The following SNF8 variants were observed in gnomAD, a reference collection of about 807,000 sequenced individuals.
SNF8 encodes the protein SNF8 subunit of ESCRT-II.
SNF8 carries 19 observed loss-of-function variants against 36.8 expected under a neutral mutation model. That is an observed-to-expected ratio of 0.52 (90% CI 0.36 to 0.76). The LOEUF is 0.76. Among genes scored for constraint, SNF8 ranks in the 30% least tolerant of loss-of-function variants. The pLI is 0.00. For synonymous variants in SNF8, 127 were observed against 127.4 expected, an observed-to-expected ratio of 1.00 and a Z score of 0.02; for missense variants, 268 against 322.9, an observed-to-expected ratio of 0.83 and a Z score of 1.30.
intron 2 of SNF8, among the ~76,000 whole-genome samples, chr17:48,943,483 C>A (rs1266855401): frequency 6.6e-6 from 1 of 152,082 alleles, no homozygotes; most frequent in African/African-American, 2.4e-5. Context: ...TGGCGCATGT[C>A]TGTAGTTCTA....
At chr17:48,938,489 T>TC (rs11436395) in intron 3 of SNF8, among the ~76,000 whole-genome samples, 18,236 of 96,524 alleles carry the variant, frequency 0.19, 1,355 homozygotes, top group Middle Eastern at 0.25. Flanking sequence ...AGAGCAAAAC[T>TC]CCATCTCAAA....
At chr17:48,939,333 G>A (rs569496169) in intron 3 of SNF8, among the ~76,000 whole-genome samples, 8 of 151,780 alleles carry the variant, frequency 5.3e-5, no homozygotes, top group Admixed American at 3.3e-4. Context: ...AGCTCCACTT[G>A]GGAGGTTGAG....
chr17:48,936,024 GTTTTTTGTTT>G lies in SNF8; in HGVS notation c.422+136_422+145del. ...AGACCCTATCTCTTATTTTTTGTTT[GTTTTTTGTTT>G]TTTTTTTTCCTGTATGATATGGAGA... is the stretch of plus-strand genomic sequence containing the variant. On this transcript the variant is annotated intron_variant, in intron 5 of 7. Coordinates refer to ENST00000502492, the MANE Select transcript of SNF8 (RefSeq NM_007241.4). The G allele has an allele frequency of 5.0e-6, 3 of 603,734 alleles. No individual in the cohort carries two copies. In the South Asian group the frequency reaches 6.0e-5, roughly 12 times the overall value. 37.4% of individuals were successfully genotyped at this position (603,734 alleles called of 1,614,324 possible). A position where few individuals can be genotyped will look rare whatever the true frequency, so the allele number is the denominator to read the frequency against.
At chr17:48,943,832 A>T in intron 2 of SNF8, 93 bp downstream of exon 2, 1 of 1,134,696 alleles carries the variant, frequency 8.8e-7, no homozygotes, top group Non-Finnish European at 1.3e-6. Context: ...CCCTATTTCT[A>T]GTTCAATCTA....
In SNF8 at chr17:48,944,817, G is replaced by A. The variant is rs1263501091; in HGVS notation, c.-83C>T. 3.5e-6 allele frequency: 5 copies of A among 1,420,688 alleles called. No individual in the cohort carries two copies. In the African/African-American group the frequency reaches 6.0e-5, roughly 17 times the overall value. The allele number at this position is 1,420,688 out of a possible 1,614,324, so 88.0% of individuals were successfully genotyped here. A position where few individuals can be genotyped will look rare whatever the true frequency, so the allele number is the denominator to read the frequency against. On this transcript the variant is annotated 5_prime_UTR_variant, in exon 1 of 8. Coordinates refer to ENST00000502492, the MANE Select transcript of SNF8 (RefSeq NM_007241.4). ...GACTCCGCCGCCGGCTCCCCAAGGC[G>A]GAAGCCCGAGCCGCGCGTCATCTGC...
At position 48,929,763 on chromosome 17, in the gene SNF8, G is replaced by A. The variant is rs1202276863; in HGVS notation, c.*712C>T. The A allele has an allele frequency of 6.6e-6, 1 of 152,124 alleles. No individual in the cohort carries two copies. Among genetic ancestry groups the A allele is most frequent in the African/African-American group, 2.4e-5 (1 of 41,434 alleles). The allele number at this position is 152,124 out of a possible 1,614,324, so 9.4% of individuals were successfully genotyped here. A position where few individuals can be genotyped will look rare whatever the true frequency, so the allele number is the denominator to read the frequency against. ...CTGTGATGTTGAAGGCTGCCTACTT[G>A]GTGAAATTTAAGTGAGCTGTATGTA... On this transcript the variant is annotated 3_prime_UTR_variant, in exon 8 of 8. Transcript: ENST00000502492.
intron 6 of SNF8, 41 bp from the exon 7 acceptor site, chr17:48,931,758 C>T (rs368148886): frequency 1.3e-6 from 2 of 1,518,210 alleles, no homozygotes; most frequent in Non-Finnish European, 1.8e-6. Context: ...GTTAAGAGTG[C>T]ACCTTCCCTT....
Position 48,936,187 on chromosome 17 carries a change from G to C in SNF8, c.405C>G (p.Phe135Leu), listed in dbSNP as rs769649861. 2 of 1,613,832 alleles carry C rather than the reference G, an allele frequency of 1.2e-6. No homozygotes were observed. Among genetic ancestry groups the C allele is most frequent in the Admixed American group, 3.3e-5 (2 of 60,012 alleles). ...HQQVLKGRGK[F>L]AQDVSQDDLI... Reference sequence around the variant, plus strand: ...AGACCTACTGACTGACATCCTGGGCGAACTTGCCCCTTCCCTTCAACACCT... The same window carrying C: ...AGACCTACTGACTGACATCCTGGGCCAACTTGCCCCTTCCCTTCAACACCT... The change falls in exon 5 of 8, where the codon TTC becomes TTG. Residue 135 changes from phenylalanine (F) to leucine (L), a missense_variant. Transcript: ENST00000502492.
At chr17:48,944,158 C>G (rs2041070758) in intron 1 of SNF8, 183 bp from the exon 2 acceptor site, 2 of 535,262 alleles carry the variant, frequency 3.7e-6, no homozygotes, top group East Asian at 3.5e-5. Flanking sequence ...AAAAAATAGC[C>G]GGACGTGGTG....
At chr17:48,944,599 T>C in intron 1 of SNF8, 82 bp downstream of exon 1, 1 of 1,453,940 alleles carries the variant, frequency 6.9e-7, no homozygotes. Context: ...GGGAGGTGAT[T>C]AACGGGTAGG....
At chr17:48,941,114 G>A in intron 2 of SNF8, 52 bp from the exon 3 acceptor site, 2 of 1,597,312 alleles carry the variant, frequency 1.3e-6, no homozygotes, top group Non-Finnish European at 1.7e-6. Context: ...ATGATAATCA[G>A]ATGCCAAAAA....
At chr17:48,931,527 G>T in intron 7 of SNF8, 116 bp downstream of exon 7, 1 of 809,490 alleles carries the variant, frequency 1.2e-6, no homozygotes, top group Non-Finnish European at 2.0e-6. Context: ...CATGGCAGCA[G>T]TAGCCTTCAA....
intron 5 of SNF8, 26 bp downstream of exon 5, chr17:48,936,144 C>G: frequency 4.4e-6 from 7 of 1,579,490 alleles, no homozygotes; most frequent in Non-Finnish European, 6.1e-6. Flanking sequence ...TTTCTGTACT[C>G]CAAGGGATTG....
intron 2 of SNF8, among the ~76,000 whole-genome samples, chr17:48,941,550 G>A (rs1323565305): frequency 2.6e-5 from 4 of 152,066 alleles, no homozygotes; most frequent in East Asian, 1.9e-4. Context: ...AAAGTGAAGC[G>A]TCACATGAAT....
At chr17:48,941,402 C>A (rs1310856314) in intron 2 of SNF8, among the ~76,000 whole-genome samples, 1 of 152,058 alleles carries the variant, frequency 6.6e-6, no homozygotes, top group Non-Finnish European at 1.5e-5. Flanking sequence ...ATGTGGTATT[C>A]CTTTTCTTTT....
Position 48,933,231 on chromosome 17 carries a change from G to C in SNF8, c.538C>G (p.His180Asp), listed in dbSNP as rs760523351. 8 of 1,613,840 alleles carry C rather than the reference G, an allele frequency of 5.0e-6. No individual in the cohort carries two copies. The South Asian group carries it at 8.8e-5, about 18-fold the overall frequency. ...QSVPAELNMDHTVVLQLAEKN... is the reference protein window; with the variant it reads ...QSVPAELNMDDTVVLQLAEKN... ...TCTGCCAGCTGCAGCACCACGGTGTGATCCATATTGAGCTCAGCTGGAACA... is the reference window on the plus strand; with the variant it reads ...TCTGCCAGCTGCAGCACCACGGTGTCATCCATATTGAGCTCAGCTGGAACA... Residue 180 changes from histidine (H) to aspartate (D), a missense_variant, in exon 6 of 8, where the codon CAC becomes GAC. His to Asp is a moderately conservative substitution (Grantham distance 81). Transcript: ENST00000502492.
chr17:48,936,846 T>G, intron 4 of SNF8, 174 bp downstream of exon 4: 1 of 646,332 alleles, frequency 1.5e-6, no homozygotes, highest in Non-Finnish European at 2.8e-6. Context: ...TTCAGGTAAT[T>G]CTATTTACCC....
intron 1 of SNF8, chr17:48,944,190 T>C: frequency 2.0e-6 from 1 of 489,322 alleles, no homozygotes; most frequent in Non-Finnish European, 3.7e-6. Flanking sequence ...TAGTCCCAGC[T>C]ACTCAGGAGG....
intron 6 of SNF8, chr17:48,932,689 A>G (rs1007966623): frequency 2.0e-5 from 3 of 152,492 alleles, no homozygotes; most frequent in African/African-American, 7.2e-5. Flanking sequence ...GGAGGCTGAC[A>G]TTGTAGTGAG....
Sources: allele counts gnomAD v4.1 joint callset (sites outside exome capture counted in the v4.1 genomes callset), GRCh38; gene constraint gnomAD v4.1.1; transcripts MANE v1.5; gene names NCBI Gene and HGNC (gene_info 2026-07-23, HGNC 2026-07-21).